Variants in DTWD2 observed in about 807,000 individuals in gnomAD.
The protein encoded by DTWD2 is tRNA-uridine aminocarboxypropyltransferase 2.
In DTWD2, 39 loss-of-function variants were observed where a neutral mutation model predicts 31.8. That is an observed-to-expected ratio of 1.22 (90% CI 0.95 to 1.60). The LOEUF is 1.60. Among genes scored for constraint, DTWD2 ranks in the 40% most tolerant of loss-of-function variants. The pLI, the probability that DTWD2 is intolerant of heterozygous loss-of-function variation, is 0.00. For synonymous variants in DTWD2, 180 were observed against 142.8 expected (o/e 1.26, Z -1.86); for missense variants, 515 against 381.5 (o/e 1.35, Z -2.92).
At chr5:118,874,374 G>A (rs1415356714) in intron 4 of DTWD2, among the ~76,000 whole-genome samples, 1 of 152,142 alleles carries the variant, frequency 6.6e-6, no homozygotes, top group Non-Finnish European at 1.5e-5. Context: ...GCTGAAATGA[G>A]AGAAATATAA....
At chr5:118,855,316 GAC>G (rs746274340) in intron 4 of DTWD2, among the ~76,000 whole-genome samples, 29 of 149,384 alleles carry the variant, frequency 1.9e-4, no homozygotes, top group Non-Finnish European at 3.3e-4. Context: ...TCCAAAAAAA[GAC>G]AGTGTCTTGC....
chr5:118,979,901 T>C (rs1211646716), intron 1 of DTWD2, among the ~76,000 whole-genome samples: 2 of 152,176 alleles, frequency 1.3e-5, no homozygotes, highest in Non-Finnish European at 2.9e-5. Flanking sequence ...ATGCTGGGCT[T>C]AATACCTAGG....
At position 118,965,296 on chromosome 5, in the gene DTWD2, G is replaced by A. The variant is rs1378925655; in HGVS notation, c.219-20647C>T. On this transcript the variant is annotated intron_variant, in intron 1 of 5. Transcript: ENST00000510708. ...CAGCCCCCGCCCGGCCAGCCTCCCC[G>A]TCCGGGAGGTGGGGGGCGTCTCCGC... is the stretch of plus-strand genomic sequence containing the variant. Among the ~76,000 whole-genome samples the A allele has an allele frequency of 4.0e-5, 6 of 150,300 alleles. No individual in the cohort carries two copies. In the South Asian group the frequency reaches 8.4e-4, roughly 21 times the overall value.
At chr5:118,863,437 C>G (rs1441073729) in intron 4 of DTWD2, among the ~76,000 whole-genome samples, 1 of 152,148 alleles carries the variant, frequency 6.6e-6, no homozygotes, top group Non-Finnish European at 1.5e-5. Flanking sequence ...TTCAAGAAGT[C>G]CTTTCCTATA....
intron 4 of DTWD2, among the ~76,000 whole-genome samples, chr5:118,900,605 T>A (rs1249076046): frequency 6.6e-6 from 1 of 152,146 alleles, no homozygotes; most frequent in Non-Finnish European, 1.5e-5. Flanking sequence ...GCTAATAGAT[T>A]AAACTAAAAC....
chr5:118,952,081 T>C (rs1010665605), intron 1 of DTWD2, among the ~76,000 whole-genome samples: 2 of 151,776 alleles, frequency 1.3e-5, no homozygotes, highest in South Asian at 4.2e-4. Context: ...GGTTGAGGGA[T>C]AGTGAGAGGA....
intron 1 of DTWD2, among the ~76,000 whole-genome samples, chr5:118,968,737 T>C (rs1328207810): frequency 6.6e-6 from 1 of 152,202 alleles, no homozygotes; most frequent in African/African-American, 2.4e-5. Flanking sequence ...GAATTTTGCA[T>C]ACTCTGGCCC....
chr5:118,936,288 A>G (rs573042615), intron 3 of DTWD2, among the ~76,000 whole-genome samples: 1 of 152,330 alleles, frequency 6.6e-6, no homozygotes, highest in South Asian at 2.1e-4. Context: ...TTGTAATCCC[A>G]GCACTTTGGG....
chr5:118,845,252 A>G (rs564477881), intron 5 of DTWD2, among the ~76,000 whole-genome samples: 1 of 152,362 alleles, frequency 6.6e-6, no homozygotes, highest in East Asian at 1.9e-4. Flanking sequence ...TTAAGGTTTT[A>G]TTAGAATGCC....
chr5:118,966,841 C>A (rs952347650), intron 1 of DTWD2, among the ~76,000 whole-genome samples: 1 of 151,996 alleles, frequency 6.6e-6, no homozygotes, highest in South Asian at 2.1e-4. Flanking sequence ...AACAGCCTGA[C>A]CAATGTGGTG....
chr5:118,848,034 A>G (rs1751899654), intron 5 of DTWD2, 56 bp downstream of exon 5: 11 of 1,429,104 alleles, frequency 7.7e-6, no homozygotes, highest in South Asian at 5.2e-5. Context: ...TAAATCTTCT[A>G]GGTAAAATCT....
chr5:118,958,390 G>A (rs1357582694), intron 1 of DTWD2, among the ~76,000 whole-genome samples: 11 of 151,950 alleles, frequency 7.2e-5, no homozygotes, highest in Admixed American at 7.2e-4. Context: ...TCCGGGAGGT[G>A]GAGTTTGCAG....
chr5:118,881,913 C>G (rs954970041), intron 4 of DTWD2, among the ~76,000 whole-genome samples: 13 of 152,156 alleles, frequency 8.5e-5, no homozygotes, highest in African/African-American at 3.1e-4. Flanking sequence ...ATCATTCCGT[C>G]CCTGCCCCCT....
chr5:118,890,562 C>CTTTT (rs973397760), intron 4 of DTWD2, among the ~76,000 whole-genome samples: 28 of 71,254 alleles, frequency 3.9e-4, no homozygotes, highest in Admixed American at 1.3e-3. Context: ...TTAGGTTTTC[C>CTTTT]TTTTTTTTTT....
chr5:118,880,583 T>C (rs550886008), intron 4 of DTWD2, among the ~76,000 whole-genome samples: 4 of 152,266 alleles, frequency 2.6e-5, no homozygotes, highest in East Asian at 3.9e-4. Flanking sequence ...TACAAACACA[T>C]ACCACTGGAA....
chr5:118,988,119 G>A (rs914474357), intron 1 of DTWD2, 175 bp downstream of exon 1: 4 of 779,808 alleles, frequency 5.1e-6, no homozygotes, highest in African/African-American at 3.4e-5. Context: ...CCTGGAAAAA[G>A]GGCTTCTTAC....
At chr5:118,851,150 C>T (rs1356696344) in intron 4 of DTWD2, among the ~76,000 whole-genome samples, 1 of 141,188 alleles carries the variant, frequency 7.1e-6, no homozygotes, top group Non-Finnish European at 1.5e-5. Context: ...ACCTGAGAGG[C>T]AGAGATTACA....
chr5:118,851,910 G>A (rs1341063324), intron 4 of DTWD2, among the ~76,000 whole-genome samples: 1 of 152,024 alleles, frequency 6.6e-6, no homozygotes, highest in Admixed American at 6.5e-5. Context: ...AATTTACCAG[G>A]GCTGGGGTTT....
intron 3 of DTWD2, among the ~76,000 whole-genome samples, chr5:118,932,351 G>C (rs1753943328): frequency 6.8e-6 from 1 of 147,382 alleles, no homozygotes; most frequent in Admixed American, 6.8e-5. Flanking sequence ...GCTAGAGAAA[G>C]ACGAGCAATT....
Sources: gnomAD v4.1 joint callset for allele counts (sites outside exome capture counted in the v4.1 genomes callset) on GRCh38, gnomAD v4.1.1 for gene constraint, MANE v1.5 for transcripts, NCBI Gene and HGNC (gene_info 2026-07-23, HGNC 2026-07-21) for gene names.